Variants in FSHR observed in about 807,000 individuals in gnomAD.
FSHR encodes the protein follicle stimulating hormone receptor, also known as follicle-stimulating hormone receptor.
A neutral mutation model predicts 52.1 loss-of-function variants in FSHR; 46 were observed. That is an observed-to-expected ratio of 0.88 (90% CI 0.70 to 1.13). The LOEUF (loss-of-function observed/expected upper bound fraction) is 1.13, where lower values mean the gene tolerates loss of function less well. FSHR is among the 50% of genes most tolerant of loss of function. FSHR has a pLI of 0.00. For missense variants in FSHR, 964 were observed against 834.6 expected (o/e 1.16, Z -1.91); for synonymous variants, 399 against 309.6 (o/e 1.29, Z -3.03).
chr2:49,030,108 G>A (rs1391457134), intron 2 of FSHR, among the ~76,000 whole-genome samples: 2 of 152,196 alleles, frequency 1.3e-5, no homozygotes, highest in South Asian at 2.1e-4. Context: ...CCCTGGACAA[G>A]TGTGAGAAAG....
At chr2:49,134,404 G>A (rs1672409835) in intron 1 of FSHR, among the ~76,000 whole-genome samples, 1 of 152,178 alleles carries the variant, frequency 6.6e-6, no homozygotes, top group Non-Finnish European at 1.5e-5. Flanking sequence ...TCATTAAAAA[G>A]TCAGGAAACA....
At position 49,138,456 on chromosome 2, in the gene FSHR, G is replaced by A. The variant is rs527783049; in HGVS notation, c.152+15810C>T. Among the ~76,000 whole-genome samples the A allele has an allele frequency of 2.6e-5, 4 of 152,060 alleles. No homozygotes were observed. The East Asian group carries it at 7.7e-4, about 29-fold the overall frequency. On this transcript the variant is annotated intron_variant, in intron 1 of 9. Coordinates refer to ENST00000406846, the MANE Select transcript of FSHR (RefSeq NM_000145.4). ...GCCCAAAAGTGAAAACAACCCAAAT[G>A]TCCATCAACAGATGAATGGATAAAC...
intron 2 of FSHR, among the ~76,000 whole-genome samples, chr2:49,065,208 G>T (rs1309544811): frequency 2.0e-5 from 3 of 152,114 alleles, no homozygotes; most frequent in Non-Finnish European, 4.4e-5. Context: ...AGGAGCTTAT[G>T]ACTTAAGTCT....
chr2:48,987,449 A>G (rs948495925), intron 6 of FSHR, among the ~76,000 whole-genome samples: 2 of 151,844 alleles, frequency 1.3e-5, no homozygotes, highest in Admixed American at 6.6e-5. Flanking sequence ...TGACCTCGTG[A>G]TCTGCCTGCC....
chr2:48,965,542 C>T (rs1280850007), intron 9 of FSHR, among the ~76,000 whole-genome samples: 1 of 152,150 alleles, frequency 6.6e-6, no homozygotes, highest in East Asian at 1.9e-4. Context: ...CTTAGTCTAA[C>T]TCTAGACTCT....
intron 1 of FSHR, among the ~76,000 whole-genome samples, chr2:49,084,071 C>G (rs1440968239): frequency 6.6e-6 from 1 of 151,634 alleles, no homozygotes; most frequent in Non-Finnish European, 1.5e-5. Context: ...CACACCTATT[C>G]CAAAATTGAC....
At chr2:49,008,155 C>A (rs1667134928) in intron 4 of FSHR, among the ~76,000 whole-genome samples, 1 of 97,804 alleles carries the variant, frequency 1.0e-5, no homozygotes, top group Non-Finnish European at 2.4e-5. Context: ...TTAGGTATAT[C>A]TCCCAATGCT....
Position 49,114,665 on chromosome 2 carries a change from A to G in FSHR, c.152+39601T>C, listed in dbSNP as rs151250125. On this transcript the variant is annotated intron_variant, in intron 1 of 9. Coordinates refer to ENST00000406846, the MANE Select transcript of FSHR (RefSeq NM_000145.4). ...CAATATGTGTGAAAATACCTTGGAG[A>G]GTGTAGTAAAGACAATAGCAACAAT... Among the ~76,000 whole-genome samples, 258 of 152,234 alleles carry G rather than the reference A, an allele frequency of 1.7e-3. 1 individual carries two copies. Among genetic ancestry groups the G allele is most frequent in the Non-Finnish European group, 3.1e-3 (210 of 68,012 alleles).
rs140348740 is a variant in FSHR, at chr2:49,031,747, C to A, written c.225-11587G>T. On this transcript the variant is annotated intron_variant, in intron 2 of 9. Coordinates refer to ENST00000406846, the MANE Select transcript of FSHR (RefSeq NM_000145.4). ...GCACTTACTAGCTGGGTGAAGCTGGCAAAGTTATTTAGCCTCTCTGAGCCT... is the reference window on the plus strand; with the variant it reads ...GCACTTACTAGCTGGGTGAAGCTGGAAAAGTTATTTAGCCTCTCTGAGCCT... Among the ~76,000 whole-genome samples the A allele has an allele frequency of 5.5e-3, 839 of 152,236 alleles. 10 individuals carry two copies. The highest frequency in any genetic ancestry group is 0.033 in the South Asian group (159 of 4,820).
chr2:49,046,220 A>G (rs1391003723), intron 2 of FSHR, among the ~76,000 whole-genome samples: 1 of 152,216 alleles, frequency 6.6e-6, no homozygotes, highest in Non-Finnish European at 1.5e-5. Flanking sequence ...AGATATTCAT[A>G]CTACTACTAC....
intron 2 of FSHR, among the ~76,000 whole-genome samples, chr2:49,046,510 T>TG: frequency 6.6e-6 from 1 of 152,332 alleles, no homozygotes; most frequent in South Asian, 2.1e-4. Context: ...AGTAAGATTC[T>TG]TATGATCAGA....
At chr2:49,029,618 G>A (rs1668029999) in intron 2 of FSHR, among the ~76,000 whole-genome samples, 1 of 152,154 alleles carries the variant, frequency 6.6e-6, no homozygotes, top group Admixed American at 6.5e-5. Context: ...GTAGTTGGCT[G>A]GGCTGTTGAA....
chr2:49,059,174 C>G (rs1026776854), intron 2 of FSHR, among the ~76,000 whole-genome samples: 2 of 152,020 alleles, frequency 1.3e-5, no homozygotes, highest in African/African-American at 4.8e-5. Flanking sequence ...CATGATCACA[C>G]TCCTGCCTGA....
At chr2:49,033,163 CA>C (rs1239454409) in intron 2 of FSHR, among the ~76,000 whole-genome samples, 2 of 152,106 alleles carry the variant, frequency 1.3e-5, no homozygotes, top group Non-Finnish European at 2.9e-5. Context: ...TGCTGACAAT[CA>C]ATATGATTAG....
chr2:49,141,752 A>G (rs1672695533), intron 1 of FSHR, among the ~76,000 whole-genome samples: 1 of 151,184 alleles, frequency 6.6e-6, no homozygotes, highest in Non-Finnish European at 1.5e-5. Flanking sequence ...CCAGCATTTT[A>G]CATATGTAAG....
intron 1 of FSHR, among the ~76,000 whole-genome samples, chr2:49,151,097 T>G (rs1003772068): frequency 6.6e-6 from 1 of 151,774 alleles, no homozygotes; most frequent in African/African-American, 2.4e-5. Context: ...AGAAGTGGTA[T>G]AGCCCATAAA....
chr2:48,968,973 T>C (rs1674609360), intron 8 of FSHR, 90 bp from the exon 9 acceptor site: 2 of 1,149,530 alleles, frequency 1.7e-6, no homozygotes, highest in East Asian at 5.0e-5. Context: ...GACACACTAG[T>C]GATATTCTTA....
intron 1 of FSHR, among the ~76,000 whole-genome samples, chr2:49,087,745 G>A (rs1165206027): frequency 6.6e-6 from 1 of 152,180 alleles, no homozygotes; most frequent in Non-Finnish European, 1.5e-5. Flanking sequence ...GGCGAAAGAT[G>A]TGGGAGAGGA....
At chr2:49,125,542 G>A (rs1349543457) in intron 1 of FSHR, among the ~76,000 whole-genome samples, 1 of 152,196 alleles carries the variant, frequency 6.6e-6, no homozygotes, top group Non-Finnish European at 1.5e-5. Flanking sequence ...CCTGCAGTCA[G>A]TTCTGTTCTC....
Sources: allele counts gnomAD v4.1 joint callset (sites outside exome capture counted in the v4.1 genomes callset), GRCh38; gene constraint gnomAD v4.1.1; transcripts MANE v1.5; gene names NCBI Gene and HGNC (gene_info 2026-07-23, HGNC 2026-07-21).